PURG: variants seen among roughly 807,000 people sequenced by gnomAD.
PURG encodes the protein purine-rich element-binding protein gamma.
A neutral mutation model predicts 24.3 loss-of-function variants in PURG; 3 were observed. The ratio of observed to expected loss-of-function variants is 0.12; its 90% CI spans 0.06 to 0.32. The LOEUF (loss-of-function observed/expected upper bound fraction) is 0.32, where lower values mean the gene tolerates loss of function less well. PURG is among the 10% of genes least tolerant of loss of function. The pLI is 1.00. For missense variants in PURG, 371 were observed against 439.1 expected (o/e 0.84, Z 1.39); for synonymous variants, 180 against 173.1 (o/e 1.04, Z -0.31).
chr8:31,007,024 AT>A (rs1810666369), intron 1 of PURG, among the ~76,000 whole-genome samples: 1 of 152,234 alleles, frequency 6.6e-6, no homozygotes, highest in South Asian at 2.1e-4. Flanking sequence ...AAAATGATAA[AT>A]TGATACAAGA....
At chr8:30,998,321 G>T (rs1810467937) in intron 1 of PURG, among the ~76,000 whole-genome samples, 1 of 151,610 alleles carries the variant, frequency 6.6e-6, no homozygotes, top group South Asian at 2.1e-4. Context: ...ACCATAAGAG[G>T]CTTCAGAAAA....
intron 1 of PURG, among the ~76,000 whole-genome samples, chr8:31,012,630 C>T (rs1204018186): frequency 1.3e-5 from 2 of 152,204 alleles, no homozygotes; most frequent in African/African-American, 4.8e-5. Context: ...TTCAGGGATA[C>T]AGAAATTGAA....
chr8:31,008,450 C>T (rs1810699555), intron 1 of PURG, among the ~76,000 whole-genome samples: 1 of 152,094 alleles, frequency 6.6e-6, no homozygotes, highest in South Asian at 2.1e-4. Context: ...ATTACAGCTG[C>T]GTGCCACCAC....
chr8:31,032,735 TCCGCGG>T lies in PURG; in HGVS notation c.42_47del (p.Arg15_Gly16del). 3 of 1,382,596 alleles carry T rather than the reference TCCGCGG, an allele frequency of 2.2e-6. No individual in the cohort carries two copies. The highest frequency in any genetic ancestry group is 1.9e-6 in the Non-Finnish European group (2 of 1,060,684). The allele number at this position is 1,382,596 out of a possible 1,614,324, so 85.6% of individuals were successfully genotyped here. ...GGCCAGAGCCCCCTACATTCTTGCCTCCGCGGCCGCGGCCGCCGCCGCCTCCCCTTC... is the reference window on the plus strand; with the variant it reads ...GGCCAGAGCCCCCTACATTCTTGCCTCCGCGGCCGCCGCCGCCTCCCCTTC... On this transcript the variant is annotated inframe_deletion, in exon 2 of 2. Transcript: ENST00000523392. The surrounding 1 kb of genome is among the most constrained non-coding windows in gnomAD (Gnocchi z 5.9).
Position 31,023,668 on chromosome 8 carries a change from AC to A in PURG, c.864+8250del, listed in dbSNP as rs558488883. Among the ~76,000 whole-genome samples, 860 of 152,178 alleles carry A rather than the reference AC, an allele frequency of 5.7e-3. 10 individuals carry two copies. Among genetic ancestry groups the A allele is most frequent in the African/African-American group, 0.02 (830 of 41,540 alleles). On this transcript the variant is annotated intron_variant, in intron 1 of 1. Transcript: ENST00000339382. ...TTGACGTTTCTTAAGGCTAAAAAAA[AC>A]CCCCAAACCATTAGATGTTTAATCT...
At chr8:31,014,486 G>A (rs927903303) in intron 1 of PURG, among the ~76,000 whole-genome samples, 3 of 152,104 alleles carry the variant, frequency 2.0e-5, no homozygotes, top group African/African-American at 4.8e-5. Context: ...TTTATTTCTC[G>A]GGTTGAGTAT....
intron 1 of PURG, among the ~76,000 whole-genome samples, chr8:31,020,764 C>T (rs553635910): frequency 1.3e-3 from 197 of 152,238 alleles, no homozygotes; most frequent in African/African-American, 4.3e-3. Flanking sequence ...TTGTTTTGAC[C>T]GAGTTTTTCC....
At chr8:31,025,344 A>C (rs1282676900) in intron 1 of PURG, among the ~76,000 whole-genome samples, 1 of 151,972 alleles carries the variant, frequency 6.6e-6, no homozygotes, top group African/African-American at 2.4e-5. Context: ...TAAAGGGAGC[A>C]AACTTTTATG....
At chr8:31,017,595 A>G (rs1374071040) in intron 1 of PURG, among the ~76,000 whole-genome samples, 1 of 152,172 alleles carries the variant, frequency 6.6e-6, no homozygotes, top group Non-Finnish European at 1.5e-5. Context: ...GAAATCTGGA[A>G]ATGTTACAGT....
chr8:31,017,426 ATATC>A (rs1021012832), intron 1 of PURG, among the ~76,000 whole-genome samples: 18 of 151,626 alleles, frequency 1.2e-4, no homozygotes, highest in Non-Finnish European at 1.8e-4. Flanking sequence ...ATCTATATCT[ATATC>A]TATCTATTAT....
chr8:31,028,057 A>G (rs1307181401), downstream of PURG, among the ~76,000 whole-genome samples: 1 of 151,790 alleles, frequency 6.6e-6, no homozygotes, highest in Non-Finnish European at 1.5e-5. Flanking sequence ...AACACATATC[A>G]ACAATGAAAC....
rs1039160713 is a variant in PURG at position 31,030,856 on chromosome 8, C to A, written c.*883G>T. 5.9e-5 allele frequency: 9 copies of A among 151,936 alleles called. No individual in the cohort carries two copies. The highest frequency in any genetic ancestry group is 1.3e-4 in the Non-Finnish European group (9 of 67,922). The allele number at this position is 151,936 out of a possible 1,614,324, so 9.4% of individuals were successfully genotyped here. On this transcript the variant is annotated 3_prime_UTR_variant, in exon 2 of 2. Transcript: ENST00000523392. Reference sequence around the variant, plus strand: ...AAGCATAAAGTATAACACCTTGAGTCCATGATATATTTTGGGGAAGAAACC... The same window carrying A: ...AAGCATAAAGTATAACACCTTGAGTACATGATATATTTTGGGGAAGAAACC...
chr8:31,008,673 A>G (rs1810703778), intron 1 of PURG, among the ~76,000 whole-genome samples: 1 of 152,184 alleles, frequency 6.6e-6, no homozygotes, highest in Admixed American at 6.5e-5. Context: ...ATGTTTTGTT[A>G]TCAATATAAT....
At chr8:31,018,042 A>G (rs781736120) in intron 1 of PURG, among the ~76,000 whole-genome samples, 1 of 152,218 alleles carries the variant, frequency 6.6e-6, no homozygotes, top group Non-Finnish European at 1.5e-5. Flanking sequence ...ATTGAAAGTG[A>G]AAAGTTTCTT....
chr8:31,026,895 GA>G (rs1395134212), downstream of PURG, among the ~76,000 whole-genome samples: 1 of 151,338 alleles, frequency 6.6e-6, no homozygotes, highest in Non-Finnish European at 1.5e-5. Flanking sequence ...CATTATACAT[GA>G]AAATATATAC....
chr8:31,004,887 T>C lies in PURG; in HGVS notation c.865-8190A>G, dbSNP rs139333728. Among the ~76,000 whole-genome samples the C allele has an allele frequency of 8.7e-3, 1,319 of 152,258 alleles. 16 individuals carry two copies. The highest frequency in any genetic ancestry group is 0.03 in the African/African-American group (1,250 of 41,558). ...CGCTAATTAAGGTGGGAGAGTTGTT[T>C]GGATGTTAGAAGTACTGTCACTTAA... is the stretch of plus-strand genomic sequence containing the variant. On this transcript the variant is annotated intron_variant, in intron 1 of 1. Transcript: ENST00000339382.
chr8:31,021,772 G>A (rs1414400481), intron 1 of PURG, among the ~76,000 whole-genome samples: 4 of 152,112 alleles, frequency 2.6e-5, no homozygotes, highest in African/African-American at 9.7e-5. Context: ...AAAATCATAT[G>A]AAAATGGGGA....
chr8:31,016,074 G>A (rs1373723193), intron 1 of PURG, among the ~76,000 whole-genome samples: 2 of 151,580 alleles, frequency 1.3e-5, no homozygotes, highest in African/African-American at 2.4e-5. Flanking sequence ...AACAAACAAC[G>A]ACAAAAACAT....
chr8:30,999,465 A>G (rs564903100), intron 1 of PURG, among the ~76,000 whole-genome samples: 1 of 152,040 alleles, frequency 6.6e-6, no homozygotes, highest in South Asian at 2.1e-4. Context: ...CATTGCAAAG[A>G]ATAGTTTAAG....
Sources: gnomAD v4.1 joint callset for allele counts (sites outside exome capture counted in the v4.1 genomes callset) on GRCh38, gnomAD v4.1.1 for gene constraint, Gnocchi (gnomAD v3.1) non-coding constraint, MANE v1.5 for transcripts, NCBI Gene and HGNC (gene_info 2026-07-23, HGNC 2026-07-21) for gene names.